ERGIC1: variants seen among roughly 807,000 people sequenced by gnomAD.
ERGIC1 encodes the protein endoplasmic reticulum-Golgi intermediate compartment protein 1.
Under a neutral mutation model 38.3 loss-of-function variants are expected in ERGIC1, and 19 were observed. That is an observed-to-expected ratio of 0.50 (90% CI 0.35 to 0.73). The LOEUF is 0.73. Among genes scored for constraint, ERGIC1 ranks in the 30% least tolerant of loss-of-function variants. The pLI is 0.01. For synonymous variants in ERGIC1, 124 were observed against 157.6 expected, an observed-to-expected ratio of 0.79 and a Z score of 1.60; for missense variants, 294 against 389.2, an observed-to-expected ratio of 0.76 and a Z score of 2.06.
chr5:172,930,121 G>C (rs924406725), intron 7 of ERGIC1, among the ~76,000 whole-genome samples: 4 of 151,340 alleles, frequency 2.6e-5, no homozygotes, highest in African/African-American at 7.3e-5. Flanking sequence ...CCAGAGGGTG[G>C]AGGTTGCAGT....
Position 172,878,757 on chromosome 5 carries a change from A to T in ERGIC1, c.21-9942A>T, listed in dbSNP as rs934676277. Among the ~76,000 whole-genome samples, 3 of 152,070 alleles carry T rather than the reference A, an allele frequency of 2.0e-5. 1 individual carries two copies. In the South Asian group the frequency reaches 6.2e-4, roughly 32 times the overall value. Reference sequence around the variant, plus strand: ...CTAGGGCTCCCTCCCGCCTGCCTCCACTTGGCTCTGGTGTGTTCATTTGCC... The same window carrying T: ...CTAGGGCTCCCTCCCGCCTGCCTCCTCTTGGCTCTGGTGTGTTCATTTGCC... On this transcript the variant is annotated intron_variant, in intron 1 of 9. Transcript: ENST00000393784.
At chr5:172,918,691 C>T (rs924000964) in intron 5 of ERGIC1, among the ~76,000 whole-genome samples, 1 of 152,202 alleles carries the variant, frequency 6.6e-6, no homozygotes, top group African/African-American at 2.4e-5. Flanking sequence ...CTGCAGGAGC[C>T]ACGTCCTTAC....
At chr5:172,873,530 C>T (rs560484664) in intron 1 of ERGIC1, among the ~76,000 whole-genome samples, 6 of 152,348 alleles carry the variant, frequency 3.9e-5, no homozygotes, top group East Asian at 1.9e-4. Flanking sequence ...CCCAGTGCCA[C>T]GGCCTGCTGT....
At chr5:172,869,129 C>T in intron 1 of ERGIC1, among the ~76,000 whole-genome samples, 1 of 152,240 alleles carries the variant, frequency 6.6e-6, no homozygotes, top group East Asian at 1.9e-4. Flanking sequence ...GGGTGACTAG[C>T]AGAGGCTGAG....
intron 1 of ERGIC1, among the ~76,000 whole-genome samples, chr5:172,874,188 C>T (rs1454340045): frequency 2.0e-5 from 3 of 152,174 alleles, no homozygotes; most frequent in Non-Finnish European, 2.9e-5. Flanking sequence ...AAGCGATTCT[C>T]CTGCCTCAGC....
At chr5:172,857,967 G>A (rs1761597356) in intron 1 of ERGIC1, among the ~76,000 whole-genome samples, 1 of 152,150 alleles carries the variant, frequency 6.6e-6, no homozygotes. Context: ...GTGAACGGCA[G>A]GGATATAGCC....
At chr5:172,920,413 C>T (rs201206804) in intron 5 of ERGIC1, 2 of 717,602 alleles carry the variant, frequency 2.8e-6, no homozygotes, top group Admixed American at 2.0e-5. Context: ...TGAGCAGCAG[C>T]GGCAGCCTCA....
chr5:172,843,154 A>G (rs1487704200), intron 1 of ERGIC1, among the ~76,000 whole-genome samples: 7 of 152,220 alleles, frequency 4.6e-5, no homozygotes, highest in Admixed American at 3.9e-4. Flanking sequence ...TCAAAAATTA[A>G]ATAAAATAAA....
chr5:172,838,567 A>G (rs1472665937), intron 1 of ERGIC1, among the ~76,000 whole-genome samples: 1 of 152,082 alleles, frequency 6.6e-6, no homozygotes, highest in Admixed American at 6.5e-5. Flanking sequence ...AATGGGTCTC[A>G]TTGCTCTAAG....
At position 172,939,301 on chromosome 5, in the gene ERGIC1, CAA is replaced by C. The variant is rs374970670; in HGVS notation, c.765+3992_765+3993del. The stretch of plus-strand genomic sequence containing the variant: ...ATGTGCGCCAGACACTGCAGGCAAA[CAA>C]GAGGGCGCCATCCCCTTTGTTTGGG... On this transcript the variant is annotated intron_variant, in intron 9 of 9. Coordinates refer to ENST00000393784, the MANE Select transcript of ERGIC1 (RefSeq NM_001031711.3). Among the ~76,000 whole-genome samples the C allele has an allele frequency of 3.0e-3, 458 of 152,312 alleles. 4 individuals carry two copies. Among genetic ancestry groups the C allele is most frequent in the African/African-American group, 0.011 (442 of 41,574 alleles).
chr5:172,935,321 TG>T lies in ERGIC1; in HGVS notation c.765+15del. On this transcript the variant is annotated intron_variant, in intron 9 of 9. Transcript: ENST00000393784. ...AGATTCATCACCACGGTGAGTGGCCTGGGGCAGTGGGTGGGGCCCTGAGCCA... is the reference window on the plus strand; with the variant it reads ...AGATTCATCACCACGGTGAGTGGCCTGGGCAGTGGGTGGGGCCCTGAGCCA... The T allele has an allele frequency of 6.2e-7, 1 of 1,613,892 alleles. No homozygotes were observed. Among genetic ancestry groups the T allele is most frequent in the South Asian group, 1.1e-5 (1 of 91,078 alleles).
chr5:172,885,232 T>A (rs112209928), intron 1 of ERGIC1, among the ~76,000 whole-genome samples: 1 of 152,146 alleles, frequency 6.6e-6, no homozygotes, highest in African/African-American at 2.4e-5. Flanking sequence ...CAGGCTCAAG[T>A]GATCCTCCCA....
Position 172,864,880 on chromosome 5 carries a change from C to G in ERGIC1, c.21-23819C>G, listed in dbSNP as rs532151181. On this transcript the variant is annotated intron_variant, in intron 1 of 9. Transcript: ENST00000393784. The stretch of plus-strand genomic sequence containing the variant: ...CATCACTTAAGCCCGGCTCACACAG[C>G]AAGTAAGAGCAAATTAAGATTCCAG... Among the ~76,000 whole-genome samples the G allele has an allele frequency of 8.2e-4, 125 of 152,050 alleles. 1 individual carries two copies. Among genetic ancestry groups the G allele is most frequent in the African/African-American group, 2.8e-3 (118 of 41,454 alleles).
intron 1 of ERGIC1, among the ~76,000 whole-genome samples, chr5:172,843,559 G>A (rs776298444): frequency 2.6e-5 from 4 of 152,244 alleles, no homozygotes; most frequent in Admixed American, 1.3e-4. Flanking sequence ...GTGTTTTGAT[G>A]TCTTGCTGGG....
At chr5:172,863,148 G>A (rs1025092815) in intron 1 of ERGIC1, among the ~76,000 whole-genome samples, 2 of 152,254 alleles carry the variant, frequency 1.3e-5, no homozygotes, top group African/African-American at 2.4e-5. Flanking sequence ...GCAGGGTTTC[G>A]TCATATTGGC....
intron 1 of ERGIC1, among the ~76,000 whole-genome samples, chr5:172,838,482 C>G (rs1761085137): frequency 6.6e-6 from 1 of 152,112 alleles, no homozygotes. Flanking sequence ...CCAGGATACC[C>G]CAGACCTCCT....
chr5:172,928,328 C>T (rs1243154873), intron 7 of ERGIC1, among the ~76,000 whole-genome samples: 2 of 152,164 alleles, frequency 1.3e-5, no homozygotes. Flanking sequence ...TGGGGAAGGG[C>T]TGGCTTTTAT....
intron 4 of ERGIC1, among the ~76,000 whole-genome samples, chr5:172,913,037 G>A (rs181119754): frequency 1.3e-5 from 2 of 148,266 alleles, no homozygotes; most frequent in African/African-American, 5.0e-5. Context: ...CCAAAGTGCT[G>A]CGATTACCGG....
intron 5 of ERGIC1, chr5:172,922,579 A>G (rs899118592): frequency 6.6e-6 from 1 of 152,524 alleles, no homozygotes; most frequent in East Asian, 1.9e-4. Context: ...AGAGGGTCCC[A>G]GGAAGGGGTG....
Sources: allele counts gnomAD v4.1 joint callset (sites outside exome capture counted in the v4.1 genomes callset), GRCh38; gene constraint gnomAD v4.1.1; transcripts MANE v1.5; gene names NCBI Gene and HGNC (gene_info 2026-07-23, HGNC 2026-07-21).